Variants in ROBO1 observed in about 807,000 individuals in gnomAD.
ROBO1 encodes the protein roundabout guidance receptor 1.
ROBO1 carries 149 observed loss-of-function variants against 195.9 expected under a neutral mutation model. That is an observed-to-expected ratio of 0.76 (90% CI 0.67 to 0.87). The LOEUF is 0.87. Ranked by LOEUF, ROBO1 falls within the 40% of genes least tolerant of loss-of-function variation. The pLI is 0.00. For missense variants in ROBO1, 1,933 were observed against 2,068.3 expected (o/e 0.93, Z 1.27); for synonymous variants, 816 against 733.2 (o/e 1.11, Z -1.82).
At chr3:78,754,876 C>T (rs757057198) in intron 4 of ROBO1, among the ~76,000 whole-genome samples, 2 of 152,080 alleles carry the variant, frequency 1.3e-5, no homozygotes, top group Non-Finnish European at 2.9e-5. Context: ...ATGAGTAAAA[C>T]TTATCCTCGG....
chr3:79,494,905 T>C (rs1423695366), intron 2 of ROBO1, among the ~76,000 whole-genome samples: 1 of 152,196 alleles, frequency 6.6e-6, no homozygotes, highest in Non-Finnish European at 1.5e-5. Context: ...AGGCTTCCGA[T>C]AATGATCCTA....
In ROBO1 at chr3:78,755,665, G is replaced by A. The variant is rs556058104; in HGVS notation, c.500-8765C>T. Reference sequence around the variant, plus strand: ...TGAAGGGCTGAAGTTGACAGAGAAAGACATTAATAATAACACCCAGGTTTC... The same window carrying A: ...TGAAGGGCTGAAGTTGACAGAGAAAAACATTAATAATAACACCCAGGTTTC... On this transcript the variant is annotated intron_variant, in intron 4 of 30. Transcript: ENST00000464233. 3.6e-3 allele frequency among the ~76,000 whole-genome samples: 553 copies of A among 152,256 alleles called. 6 individuals are homozygous for A. The highest frequency in any genetic ancestry group is 0.01 in the Middle Eastern group (3 of 294).
chr3:79,180,300 G>A (rs2081319086), intron 2 of ROBO1, among the ~76,000 whole-genome samples: 1 of 151,974 alleles, frequency 6.6e-6, no homozygotes, highest in Non-Finnish European at 1.5e-5. Context: ...CTGAAGTTTT[G>A]AAGACCTTTA....
intron 1 of ROBO1, among the ~76,000 whole-genome samples, chr3:79,738,842 G>A (rs774910155): frequency 1.3e-5 from 2 of 152,086 alleles, no homozygotes; most frequent in African/African-American, 4.8e-5. Flanking sequence ...TCCCGTGCAC[G>A]AGTTACTCCA....
intron 3 of ROBO1, among the ~76,000 whole-genome samples, chr3:79,013,639 G>C (rs191961161): frequency 1.3e-5 from 2 of 152,252 alleles, no homozygotes; most frequent in Admixed American, 1.3e-4. Context: ...CACAGTAGTT[G>C]AGAGTTTTAG....
Position 79,018,698 on chromosome 3 carries a change from G to A in ROBO1, c.173-79771C>T, listed in dbSNP as rs150531260. The A allele has an allele frequency of 7.6e-4, 1,027 of 1,349,486 alleles. 4 individuals are homozygous for A. The African/African-American group carries it at 8.6e-3, about 11-fold the overall frequency. 83.6% of individuals were successfully genotyped at this position (1,349,486 alleles called of 1,614,324 possible). A position where few individuals can be genotyped will look rare whatever the true frequency, so the allele number is the denominator to read the frequency against. ...TGTCTTCTCCGGCCCCAGGATTTCC[G>A]AGGAGGCTCAGACACTTTCAAGAAC... On this transcript the variant is annotated intron_variant, in intron 3 of 30. Coordinates refer to ENST00000464233, the MANE Select transcript of ROBO1 (RefSeq NM_002941.4).
intron 1 of ROBO1, among the ~76,000 whole-genome samples, chr3:79,702,128 TC>T (rs1560113712): frequency 6.6e-6 from 1 of 151,702 alleles, no homozygotes; most frequent in African/African-American, 2.4e-5. Context: ...GATATAAAAA[TC>T]ACACCATCCA....
chr3:78,886,761 T>C (rs556287222), intron 4 of ROBO1, among the ~76,000 whole-genome samples: 155 of 151,052 alleles, frequency 1.0e-3, no homozygotes, highest in African/African-American at 3.7e-3. Context: ...AAATAATACA[T>C]ATTATATGAT....
intron 4 of ROBO1, among the ~76,000 whole-genome samples, chr3:78,867,060 T>C (rs1015798413): frequency 2.6e-5 from 4 of 152,216 alleles, no homozygotes; most frequent in African/African-American, 9.6e-5. Context: ...TTTTGACAAA[T>C]TGGGACATTA....
At chr3:78,883,895 TA>T (rs2036337558) in intron 4 of ROBO1, among the ~76,000 whole-genome samples, 1 of 152,030 alleles carries the variant, frequency 6.6e-6, no homozygotes, top group Non-Finnish European at 1.5e-5. Context: ...ATTCAGAGAA[TA>T]AAAGGGCCAG....
At chr3:79,307,345 T>C (rs1312641244) in intron 2 of ROBO1, among the ~76,000 whole-genome samples, 4 of 152,044 alleles carry the variant, frequency 2.6e-5, no homozygotes, top group Non-Finnish European at 4.4e-5. Flanking sequence ...AAGAAAAAAA[T>C]GTGTTTACAC....
intron 2 of ROBO1, among the ~76,000 whole-genome samples, chr3:79,200,914 GT>G (rs1209564175): frequency 6.6e-6 from 1 of 151,890 alleles, no homozygotes; most frequent in Non-Finnish European, 1.5e-5. Flanking sequence ...ATTTGTTTTT[GT>G]TAAATTATGT....
chr3:79,753,591 C>T (rs957936127), intron 1 of ROBO1, among the ~76,000 whole-genome samples: 1 of 152,122 alleles, frequency 6.6e-6, no homozygotes, highest in African/African-American at 2.4e-5. Context: ...AATATCTTTG[C>T]CAATTATTAT....
intron 2 of ROBO1, among the ~76,000 whole-genome samples, chr3:79,252,609 C>A (rs1297772785): frequency 6.6e-6 from 1 of 151,988 alleles, no homozygotes; most frequent in African/African-American, 2.4e-5. Flanking sequence ...TTACAGCAGC[C>A]CCAGGGAACT....
chr3:78,678,830 C>A (rs1708605577), intron 10 of ROBO1, among the ~76,000 whole-genome samples: 1 of 152,100 alleles, frequency 6.6e-6, no homozygotes, highest in Non-Finnish European at 1.5e-5. Context: ...TTTTATGAGG[C>A]CAGCATCATC....
At chr3:78,866,847 T>C (rs986573008) in intron 4 of ROBO1, among the ~76,000 whole-genome samples, 1 of 152,104 alleles carries the variant, frequency 6.6e-6, no homozygotes, top group African/African-American at 2.4e-5. Flanking sequence ...AAAATAAATA[T>C]AGTCTGTAAT....
intron 2 of ROBO1, among the ~76,000 whole-genome samples, chr3:79,401,854 A>G (rs1365951914): frequency 6.6e-6 from 1 of 151,826 alleles, no homozygotes; most frequent in African/African-American, 2.4e-5. Flanking sequence ...ACAGCACTGA[A>G]ATTTCTCTAG....
At chr3:79,627,932 A>T (rs1041086018) in intron 1 of ROBO1, among the ~76,000 whole-genome samples, 6 of 152,196 alleles carry the variant, frequency 3.9e-5, no homozygotes, top group African/African-American at 1.4e-4. Context: ...TGCAAATCAA[A>T]ACCACAGTGA....
intron 1 of ROBO1, among the ~76,000 whole-genome samples, chr3:79,654,609 C>A (rs2106773899): frequency 6.6e-6 from 1 of 152,126 alleles, no homozygotes; most frequent in African/African-American, 2.4e-5. Flanking sequence ...ATTCATCTTT[C>A]TTTTAAAAGA....
Sources: gnomAD v4.1 joint callset for allele counts (sites outside exome capture counted in the v4.1 genomes callset) on GRCh38, gnomAD v4.1.1 for gene constraint, MANE v1.5 for transcripts, NCBI Gene and HGNC (gene_info 2026-07-23, HGNC 2026-07-21) for gene names.